AATK: variants seen among roughly 807,000 people sequenced by gnomAD.
AATK encodes the protein lemur tail kinase 1, also known as serine/threonine-protein kinase LMTK1.
A neutral mutation model predicts 114.3 loss-of-function variants in AATK; 91 were observed. The ratio of observed to expected loss-of-function variants is 0.80; its 90% CI spans 0.67 to 0.95. AATK has a LOEUF of 0.95. Ranked by LOEUF, AATK falls within the 40% of genes least tolerant of loss-of-function variation. The pLI, the probability that AATK is intolerant of heterozygous loss-of-function variation, is 0.00. For missense variants in AATK, 2,176 were observed against 1,965.2 expected (o/e 1.11, Z -2.03); for synonymous variants, 1,075 against 916.5 (o/e 1.17, Z -3.12).
intron 1 of AATK, among the ~76,000 whole-genome samples, chr17:81,138,788 T>G (rs2061073783): frequency 1.8e-5 from 1 of 56,702 alleles, no homozygotes; most frequent in African/African-American, 6.0e-5. Flanking sequence ...CACACCCATG[T>G]GCACACAATA....
intron 2 of AATK, among the ~76,000 whole-genome samples, chr17:81,133,572 A>G (rs1484825052): frequency 6.6e-6 from 1 of 152,162 alleles, no homozygotes; most frequent in East Asian, 1.9e-4. Context: ...GAACCACCAG[A>G]GGTCCAGGCC....
At chr17:81,124,598 G>A in intron 9 of AATK, 129 bp downstream of exon 9, 1 of 1,460,382 alleles carries the variant, frequency 6.8e-7, no homozygotes, top group Non-Finnish European at 9.1e-7. Flanking sequence ...CACTTGGGCT[G>A]CTGGCGTGTG....
intron 4 of AATK, among the ~76,000 whole-genome samples, 169 bp downstream of exon 4, chr17:81,128,300 AG>A (rs2146316550): frequency 6.6e-6 from 1 of 152,234 alleles, no homozygotes; most frequent in South Asian, 2.1e-4. Flanking sequence ...CCTAGGGAGA[AG>A]GGGATGCAGC....
At position 81,165,919 on chromosome 17, in the gene AATK, C is replaced by CG. The variant is rs1312014273; in HGVS notation, c.55+18dup. On this transcript the variant is annotated intron_variant, in intron 1 of 13. Coordinates refer to ENST00000326724, the MANE Select transcript of AATK (RefSeq NM_001080395.3). ...CGGAGGGAGGCAGCGGCGCGCAGGC[C>CG]GGGCCGCCAGGGACTCACCGGGGTC... The CG allele has an allele frequency of 6.4e-7, 1 of 1,570,694 alleles. No homozygotes were observed. Among genetic ancestry groups the CG allele is most frequent in the Non-Finnish European group, 8.6e-7 (1 of 1,159,720 alleles).
chr17:81,121,900 C>G lies in AATK; in HGVS notation c.2036G>C (p.Arg679Pro), dbSNP rs773773077. Residue 679 changes from arginine (R) to proline (P), a missense_variant, in exon 11 of 14, where the codon CGC becomes CCC. Around this residue, in one of 4 missense-constraint regions of AATK, gnomAD observed 1,701 missense variants for 1,394.7 expected, o/e 1.22. Coordinates refer to ENST00000326724, the MANE Select transcript of AATK (RefSeq NM_001080395.3). ...GTTGTTGTTGGCTGACACGTTGGAG[C>G]GCCAGTGCCCGCGCTGGGCGGCCCT... ...ARRAAQRGHW[R>P]SNVSANNNSG... is the part of the protein sequence containing the mutation. 4 of 1,600,552 alleles carry G rather than the reference C, an allele frequency of 2.5e-6. No homozygotes were observed. In the Admixed American group the frequency reaches 6.7e-5, roughly 27 times the overall value.
At position 81,122,530 on chromosome 17, in the gene AATK, G is replaced by T; in HGVS notation, c.1406C>A (p.Thr469Asn). ...AAAATTGAGGCCTCGGCTGGTCTCG[G>T]TCACCGTCAGCACGTCGTCGCCGTC... ...HADGDDVLTVTETSRGLNFEY... is the reference protein window; with the variant it reads ...HADGDDVLTVNETSRGLNFEY... The change falls in exon 11 of 14, where the codon ACC (threonine) becomes AAC (asparagine). Residue 469 changes from threonine to asparagine, a missense_variant. This residue lies in a region of AATK where 1,701 missense variants were observed against 1,394.7 expected (regional missense o/e 1.22). Coordinates refer to ENST00000326724, the MANE Select transcript of AATK (RefSeq NM_001080395.3). 6.7e-7 allele frequency: 1 copy of T among 1,481,518 alleles called. No individual in the cohort carries two copies. Among genetic ancestry groups the T allele is most frequent in the Non-Finnish European group, 9.0e-7 (1 of 1,112,086 alleles). The allele number at this position is 1,481,518 out of a possible 1,614,324, so 91.8% of individuals were successfully genotyped here.
At chr17:81,154,805 T>C (rs1455796185) in intron 1 of AATK, among the ~76,000 whole-genome samples, 3 of 112,022 alleles carry the variant, frequency 2.7e-5, no homozygotes, top group Non-Finnish European at 5.2e-5. Flanking sequence ...AATTTTTGTA[T>C]TTTTAGTAGA....
chr17:81,151,467 A>C (rs1328616900), intron 1 of AATK, among the ~76,000 whole-genome samples: 1 of 152,032 alleles, frequency 6.6e-6, no homozygotes, highest in Non-Finnish European at 1.5e-5. Context: ...GACGCATCCG[A>C]GGGGCAGCAG....
chr17:81,125,862 T>G (rs1598916857), intron 7 of AATK: 1 of 464,924 alleles, frequency 2.2e-6, no homozygotes, highest in Non-Finnish European at 4.5e-6. Flanking sequence ...GGCAGGCAGG[T>G]CGGGAGGCTG....
intron 1 of AATK, among the ~76,000 whole-genome samples, chr17:81,160,950 G>A (rs985016809): frequency 1.3e-5 from 2 of 152,210 alleles, no homozygotes; most frequent in African/African-American, 2.4e-5. Flanking sequence ...AGGATGCCAC[G>A]CAGCTGTGGC....
At chr17:81,150,557 C>A (rs1051909737) in intron 1 of AATK, among the ~76,000 whole-genome samples, 1 of 152,084 alleles carries the variant, frequency 6.6e-6, no homozygotes. Flanking sequence ...GGACTGTCTC[C>A]ACAACAGGCT....
rs529248449 is a variant in AATK at position 81,131,125 on chromosome 17, G to A, written c.270C>T (p.Pro90=). The A allele has an allele frequency of 1.1e-5, 17 of 1,564,948 alleles. No homozygotes were observed. The highest frequency in any genetic ancestry group is 2.7e-5 in the African/African-American group (2 of 73,796). Residue 90 remains proline, a synonymous_variant, in exon 3 of 14, where the codon CCC becomes CCT. Transcript: ENST00000326724. ...CCGTGAGTGGCAGGACGTACACGTC[G>A]GGCCCGTTCTGTGCTGCCGTGGCCG... ...GSPATAAQNG[P]DVYVLPLTEV... is the part of the protein sequence containing the mutation.
At chr17:81,139,333 G>T (rs2061087495) in intron 1 of AATK, among the ~76,000 whole-genome samples, 1 of 152,202 alleles carries the variant, frequency 6.6e-6, no homozygotes. Context: ...CCTCTGTAGG[G>T]TCTGCTTGCC....
chr17:81,131,503 C>A (rs145029648), intron 2 of AATK, among the ~76,000 whole-genome samples: 1 of 152,202 alleles, frequency 6.6e-6, no homozygotes, highest in African/African-American at 2.4e-5. Flanking sequence ...CCAGAAAGGG[C>A]GCGATGAGCT....
intron 1 of AATK, among the ~76,000 whole-genome samples, chr17:81,146,312 G>T (rs1362707716): frequency 6.6e-6 from 1 of 150,988 alleles, no homozygotes; most frequent in Non-Finnish European, 1.5e-5. Context: ...AGTGAGCCAA[G>T]ATTGAGCCAC....
In AATK at chr17:81,122,131, T is replaced by C. The variant is rs2060707576; in HGVS notation, c.1805A>G (p.Asp602Gly). The C allele has an allele frequency of 6.5e-7, 1 of 1,536,436 alleles. No homozygotes were observed. Among genetic ancestry groups the C allele is most frequent in the African/African-American group, 1.4e-5 (1 of 73,474 alleles). Residue 602 changes from aspartate (D) to glycine (G), a missense_variant, in exon 11 of 14, where the codon GAC (aspartate) becomes GGC (glycine). Physicochemically the swap from Asp to Gly is moderately conservative, Grantham distance 94. This residue lies in a region of AATK where 1,701 missense variants were observed against 1,394.7 expected (regional missense o/e 1.22). Transcript: ENST00000326724. ...DHYPRRSLAR[D>G]PLCPSRSPSP... Reference sequence around the variant, plus strand: ...GGGAGAGCGTGAGGGGCAGAGCGGGTCCCGCGCCAAGCTTCTGCGAGGGTA... The same window carrying C: ...GGGAGAGCGTGAGGGGCAGAGCGGGCCCCGCGCCAAGCTTCTGCGAGGGTA...
intron 1 of AATK, among the ~76,000 whole-genome samples, chr17:81,148,832 T>C (rs1352703460): frequency 6.6e-6 from 1 of 152,116 alleles, no homozygotes; most frequent in Admixed American, 6.5e-5. Context: ...GCACACACCC[T>C]TGCCTGTGTC....
At position 81,122,508 on chromosome 17, in the gene AATK, A is replaced by C. The variant is rs2060712885; in HGVS notation, c.1428T>G (p.Asn476Lys). Residue 476 changes from asparagine to lysine, a missense_variant, in exon 11 of 14, where the codon AAT becomes AAG. Around this residue, in one of 4 missense-constraint regions of AATK, gnomAD observed 1,701 missense variants for 1,394.7 expected, o/e 1.22. Transcript: ENST00000326724. Reference sequence around the variant, plus strand: ...GGCCCGCCTCCCACTTGTACTCAAAATTGAGGCCTCGGCTGGTCTCGGTCA... The same window carrying C: ...GGCCCGCCTCCCACTTGTACTCAAACTTGAGGCCTCGGCTGGTCTCGGTCA... ...LTVTETSRGLNFEYKWEAGRG... is the reference protein window; with the variant it reads ...LTVTETSRGLKFEYKWEAGRG... The C allele has an allele frequency of 2.7e-6, 4 of 1,474,790 alleles. No homozygotes were observed. In the African/African-American group the frequency reaches 4.4e-5, roughly 16 times the overall value. 91.4% of individuals were successfully genotyped at this position (1,474,790 alleles called of 1,614,324 possible).
Position 81,121,864 on chromosome 17 carries a change from C to T in AATK, c.2072G>A (p.Arg691His), listed in dbSNP as rs773578536. 1.0e-5 allele frequency: 16 copies of T among 1,596,812 alleles called. No individual in the cohort carries two copies. Among genetic ancestry groups the T allele is most frequent in the Middle Eastern group, 1.7e-4 (1 of 6,058 alleles). Reference sequence around the variant, plus strand: ...GACGGGGTCCCAGGACTCTGGACAGCGGCTGCCGCTGTTGTTGTTGGCTGA... The same window carrying T: ...GACGGGGTCCCAGGACTCTGGACAGTGGCTGCCGCTGTTGTTGTTGGCTGA... Reference protein sequence around the residue: ...NVSANNNSGSRCPESWDPVSA... With the variant: ...NVSANNNSGSHCPESWDPVSA... Residue 691 changes from arginine (R) to histidine (H), a missense_variant, in exon 11 of 14, where the codon CGC becomes CAC. This residue lies in a region of AATK where 1,701 missense variants were observed against 1,394.7 expected (regional missense o/e 1.22). Transcript: ENST00000326724.
Sources: gnomAD v4.1 joint callset for allele counts (sites outside exome capture counted in the v4.1 genomes callset) on GRCh38, gnomAD v4.1.1 for gene constraint, gnomAD v4.1.1 regional missense constraint, MANE v1.5 for transcripts, NCBI Gene and HGNC (gene_info 2026-07-23, HGNC 2026-07-21) for gene names.